STK11IP: variants seen among roughly 807,000 people sequenced by gnomAD.
The protein encoded by STK11IP is serine/threonine kinase 11 interacting protein, also known as serine/threonine-protein kinase 11-interacting protein.
Under a neutral mutation model 131.7 loss-of-function variants are expected in STK11IP, and 103 were observed. The observed-to-expected ratio is 0.78, with a 90% CI of 0.67 to 0.92. The LOEUF is 0.92. Ranked by LOEUF, STK11IP falls within the 40% of genes least tolerant of loss-of-function variation. STK11IP has a pLI of 0.00. For missense variants in STK11IP, 1,315 were observed against 1,385.7 expected (o/e 0.95, Z 0.81); for synonymous variants, 557 against 575.6 (o/e 0.97, Z 0.46).
chr2:219,599,666 C>T (rs915963626), intron 2 of STK11IP, among the ~76,000 whole-genome samples: 9 of 151,876 alleles, frequency 5.9e-5, no homozygotes, highest in Non-Finnish European at 1.2e-4. Flanking sequence ...ATCTTGATTG[C>T]GTGGCTGCAG....
chr2:219,615,308 C>G lies in STK11IP; in HGVS notation c.3084C>G (p.Ala1028=), dbSNP rs375947645. Residue 1028 remains alanine (A), a synonymous_variant, in exon 24 of 25, where the codon GCC becomes GCG. Coordinates refer to ENST00000456909, the MANE Select transcript of STK11IP (RefSeq NM_052902.4). ...GCTCCGTGCTGCTCTACCGCTCAGCCCCTGAGGACTTGCGGCTGCTCTTCT... is the reference window on the plus strand; with the variant it reads ...GCTCCGTGCTGCTCTACCGCTCAGCGCCTGAGGACTTGCGGCTGCTCTTCT... ...SLSSVLLYRS[A]PEDLRLLFYD... 17 of 1,602,644 alleles carry G rather than the reference C, an allele frequency of 1.1e-5. No homozygotes were observed. In the African/African-American group the frequency reaches 1.7e-4, roughly 16 times the overall value.
intron 12 of STK11IP, 59 bp downstream of exon 12, chr2:219,606,917 G>C: frequency 1.3e-6 from 2 of 1,586,520 alleles, no homozygotes; most frequent in Non-Finnish European, 1.7e-6. Flanking sequence ...GGGGACTCTG[G>C]GCTACAGTGG....
At chr2:219,601,899 T>C in intron 4 of STK11IP, 89 bp from the exon 5 acceptor site, 4 of 1,330,922 alleles carry the variant, frequency 3.0e-6, no homozygotes, top group Middle Eastern at 1.8e-4. Flanking sequence ...GGCTTTGTGG[T>C]CTTCTCCCTC....
intron 22 of STK11IP, 85 bp downstream of exon 22, chr2:219,614,327 C>A: frequency 6.4e-7 from 1 of 1,560,080 alleles, no homozygotes; most frequent in Non-Finnish European, 8.8e-7. Flanking sequence ...CTGAGTAGGT[C>A]CTGGGCAGCC....
Position 219,606,305 on chromosome 2 carries a change from T to G in STK11IP, c.945+15T>G, listed in dbSNP as rs1202405102. ...CTGCTACTGGCGTGAGTGATCGTCC[T>G]GTGTCCACTCTTCTTCCCCTTTCCT... is the stretch of plus-strand genomic sequence containing the variant. On this transcript the variant is annotated intron_variant, in intron 10 of 24. Transcript: ENST00000456909. 6.4e-7 allele frequency: 1 copy of G among 1,557,872 alleles called. No individual in the cohort carries two copies. Among genetic ancestry groups the G allele is most frequent in the Admixed American group, 1.9e-5 (1 of 51,782 alleles).
chr2:219,607,114 G>C lies in STK11IP; in HGVS notation c.1196G>C (p.Arg399Pro), dbSNP rs781391333. The change falls in exon 13 of 25, where the codon CGA becomes CCA. Residue 399 changes from arginine (R) to proline (P), a missense_variant. Coordinates refer to ENST00000456909, the MANE Select transcript of STK11IP (RefSeq NM_052902.4). ...SEPSDTDPEP[R>P]TLNPSPAGWF... ...CCCAGTGATACGGACCCGGAGCCCC[G>C]AACTCTGAACCCCTCTCCGGCTGGT... is the stretch of plus-strand genomic sequence containing the variant. 9 of 1,613,740 alleles carry C rather than the reference G, an allele frequency of 5.6e-6. No homozygotes were observed. The highest frequency in any genetic ancestry group is 3.3e-5 in the Admixed American group (2 of 60,002).
At chr2:219,610,469 C>T (rs538524172) in intron 17 of STK11IP, among the ~76,000 whole-genome samples, 24 of 152,168 alleles carry the variant, frequency 1.6e-4, no homozygotes, top group African/African-American at 5.8e-4. Context: ...GTGGCACAAC[C>T]TTGGCTCACT....
chr2:219,609,744 G>GT (rs11365689), intron 17 of STK11IP: 1,701 of 391,420 alleles, frequency 4.3e-3, no homozygotes, highest in South Asian at 5.8e-3. Context: ...ACTATATCCT[G>GT]TTTTTTTTTT....
chr2:219,612,466 A>G lies in STK11IP; in HGVS notation c.2439+408A>G, dbSNP rs192589476. 2.8e-4 allele frequency among the ~76,000 whole-genome samples: 43 copies of G among 152,372 alleles called. No individual in the cohort carries two copies. The East Asian group carries it at 5.6e-3, about 20-fold the overall frequency. On this transcript the variant is annotated intron_variant, in intron 19 of 24. Transcript: ENST00000456909. ...TACAGTCTGGTGTGAGAAGCTGACA[A>G]TGATTATGCAATATGCAAATGCTGT...
At chr2:219,606,953 G>A (rs1033651264) in intron 12 of STK11IP, 95 bp downstream of exon 12, 3 of 1,593,368 alleles carry the variant, frequency 1.9e-6, no homozygotes, top group Non-Finnish European at 2.6e-6. Context: ...AACTGTGCTT[G>A]CACGTGGTCA....
In STK11IP at chr2:219,609,124, A is replaced by G. The variant is rs772760158; in HGVS notation, c.1837A>G (p.Ile613Val). The change falls in exon 16 of 25, where the codon ATC (isoleucine) becomes GTC (valine). Residue 613 changes from isoleucine to valine, a missense_variant. Ile to Val is a conservative substitution (Grantham distance 29). Coordinates refer to ENST00000456909, the MANE Select transcript of STK11IP (RefSeq NM_052902.4). ...CTCAGATCTGCTCCCTGGAGCCCCC[A>G]TCCTCAGTCTGCGCTTCTCCTACAT... ...TGSDLLPGAP[I>V]LSLRFSYICP... 5.0e-6 allele frequency: 8 copies of G among 1,606,766 alleles called. No homozygotes were observed. The highest frequency in any genetic ancestry group is 2.2e-5 in the South Asian group (2 of 89,282).
chr2:219,602,545 C>T lies in STK11IP; in HGVS notation c.516C>T (p.Tyr172=), dbSNP rs374405096. The stretch of plus-strand genomic sequence containing the variant: ...CTCTGCTTTCTGCCAACTTCAGCTA[C>T]AATGCACTGACCGCCTTAGACAGCT... ...WLALLSANFS[Y]NALTALDSSL... is the part of the protein sequence containing the mutation. Residue 172 remains tyrosine (Y), a synonymous_variant, in exon 6 of 25, where the codon TAC becomes TAT. Transcript: ENST00000456909. The T allele has an allele frequency of 2.3e-5, 37 of 1,614,038 alleles. No homozygotes were observed. The highest frequency in any genetic ancestry group is 3.0e-5 in the Non-Finnish European group (35 of 1,179,898).
At chr2:219,598,373 C>T in intron 2 of STK11IP, 193 bp downstream of exon 2, 1 of 496,412 alleles carries the variant, frequency 2.0e-6, no homozygotes, top group East Asian at 3.5e-5. Flanking sequence ...AAACTCTAGC[C>T]GTCCTTTGAG....
Position 219,610,308 on chromosome 2 carries a change from T to C in STK11IP, c.2104+768T>C, listed in dbSNP as rs551370715. Among the ~76,000 whole-genome samples the C allele has an allele frequency of 5.1e-4, 78 of 152,324 alleles. 1 individual carries two copies. The highest frequency in any genetic ancestry group is 1.8e-3 in the African/African-American group (75 of 41,582). On this transcript the variant is annotated intron_variant, in intron 17 of 24. Coordinates refer to ENST00000456909, the MANE Select transcript of STK11IP (RefSeq NM_052902.4). The stretch of plus-strand genomic sequence containing the variant: ...ACAGCCCCCAGCCCCTCCCGGACCC[T>C]GGCTGTACACCATGAGGTGCTGTGG...
intron 20 of STK11IP, 104 bp from the exon 21 acceptor site, chr2:219,613,648 G>A (rs373657565): frequency 3.2e-5 from 43 of 1,347,296 alleles, no homozygotes; most frequent in African/African-American, 2.3e-4. Context: ...GTGAGCGCAC[G>A]GGGGTGATGC....
At position 219,606,663 on chromosome 2, in the gene STK11IP, G is replaced by A. The variant is rs761820637; in HGVS notation, c.988-49G>A. On this transcript the variant is annotated intron_variant, in intron 11 of 24. Transcript: ENST00000456909. The stretch of plus-strand genomic sequence containing the variant: ...TTTTGGCTGGCTTGGGCAAGGCAGA[G>A]GTGCTCCCAGGCTCCAACCTCTCTC... 6 of 1,595,196 alleles carry A rather than the reference G, an allele frequency of 3.8e-6. No homozygotes were observed. The Admixed American group carries it at 8.5e-5, about 23-fold the overall frequency.
At position 219,614,486 on chromosome 2, in the gene STK11IP, G is replaced by GA; in HGVS notation, c.2814dup (p.Asp939ArgfsTer18). 1 of 1,613,814 alleles carries GA rather than the reference G, an allele frequency of 6.2e-7. No individual in the cohort carries two copies. The highest frequency in any genetic ancestry group is 8.5e-7 in the Non-Finnish European group (1 of 1,179,872). On this transcript the variant is annotated frameshift_variant, in exon 23 of 25. Coordinates refer to ENST00000456909, the MANE Select transcript of STK11IP (RefSeq NM_052902.4). LOFTEE classifies it high-confidence loss of function. ...CCATATTCCCTCTAGGCCATTGCTGGAAAAAGACTCATCCTTGGAGGCTCG... is the reference window on the plus strand; with the variant it reads ...CCATATTCCCTCTAGGCCATTGCTGGAAAAAAGACTCATCCTTGGAGGCTCG...
At chr2:219,607,228 T>C (rs984387068) in intron 13 of STK11IP, 91 bp downstream of exon 13, 305 of 1,312,152 alleles carry the variant, frequency 2.3e-4, no homozygotes, top group Non-Finnish European at 3.0e-4. Context: ...GAAGAAATGT[T>C]ATTTTTTGTT....
At position 219,605,573 on chromosome 2, in the gene STK11IP, C is replaced by T. The variant is rs372218692; in HGVS notation, c.619-35C>T. ...AGGACCCTGGCTAGAGTTTGGTCAA[C>T]GAGATAATCTTTTTCTCCCCTGTAC... On this transcript the variant is annotated intron_variant, in intron 7 of 24. Coordinates refer to ENST00000456909, the MANE Select transcript of STK11IP (RefSeq NM_052902.4). 98 of 1,550,170 alleles carry T rather than the reference C, an allele frequency of 6.3e-5. 2 individuals are homozygous for T. In the African/African-American group the frequency reaches 7.4e-4, roughly 12 times the overall value.
Sources: gnomAD v4.1 joint callset for allele counts (sites outside exome capture counted in the v4.1 genomes callset) on GRCh38, gnomAD v4.1.1 for gene constraint, MANE v1.5 for transcripts, NCBI Gene and HGNC (gene_info 2026-07-23, HGNC 2026-07-21) for gene names.